SH3D21: variants seen among roughly 807,000 people sequenced by gnomAD.
The protein encoded by SH3D21 is SH3 domain-containing protein 21.
A neutral mutation model predicts 82.1 loss-of-function variants in SH3D21; 83 were observed. That is an observed-to-expected ratio of 1.01 (90% CI 0.85 to 1.21). The LOEUF is 1.21. SH3D21 is among the 50% of genes most tolerant of loss of function. The pLI is 0.00. For missense variants in SH3D21, 980 were observed against 962.1 expected, an observed-to-expected ratio of 1.02 and a Z score of -0.25; for synonymous variants, 383 against 387.8, an observed-to-expected ratio of 0.99 and a Z score of 0.15.
chr1:36,321,485 C>A, downstream of SH3D21: 1 of 902,446 alleles, frequency 1.1e-6, no homozygotes, highest in Non-Finnish European at 1.4e-6. The surrounding 1 kb of genome is among the most constrained non-coding windows in gnomAD (Gnocchi z 6.1). Flanking sequence ...GACGCCCGGC[C>A]TAGATTCCGG....
In SH3D21 at chr1:36,320,958, G is replaced by A; in HGVS notation, c.2179G>A (p.Glu727Lys). 1 of 1,571,052 alleles carries A rather than the reference G, an allele frequency of 6.4e-7. No homozygotes were observed. The highest frequency in any genetic ancestry group is 8.6e-7 in the Non-Finnish European group (1 of 1,158,114). Residue 727 changes from glutamate to lysine, a missense_variant, in exon 15 of 16, where the codon GAG becomes AAG. Transcript: ENST00000453908. ...DIWEELKSEKEQRRRLEVQVM... is the reference protein window; with the variant it reads ...DIWEELKSEKKQRRRLEVQVM... ...CTGGGAGGAGCTGAAGAGCGAGAAGGAGCAGCGCCGGCGGCTGGAGGTGAG... is the reference window on the plus strand; with the variant it reads ...CTGGGAGGAGCTGAAGAGCGAGAAGAAGCAGCGCCGGCGGCTGGAGGTGAG...
downstream of SH3D21, chr1:36,328,653 T>C (rs1369759418): frequency 6.0e-6 from 1 of 166,196 alleles, no homozygotes; most frequent in Non-Finnish European, 1.3e-5. Flanking sequence ...ACACCTATAG[T>C]TCCTGCTACT....
At chr1:36,327,474 A>G (rs1646556603), downstream of SH3D21, among the ~76,000 whole-genome samples, 1 of 152,158 alleles carries the variant, frequency 6.6e-6, no homozygotes, top group African/African-American at 2.4e-5. Context: ...GTGCTCCTCT[A>G]TGTGCAGTCT....
At chr1:36,313,353 A>ATAAATAAATAAATAAG (rs1646277655) in intron 10 of SH3D21, among the ~76,000 whole-genome samples, 1 of 151,604 alleles carries the variant, frequency 6.6e-6, no homozygotes, top group Non-Finnish European at 1.5e-5. Flanking sequence ...AAATAAATAA[A>ATAAATAAATAAATAAG]TAAGATGGGA....
downstream of SH3D21, chr1:36,323,217 G>A: frequency 1.5e-6 from 1 of 678,326 alleles, no homozygotes; most frequent in Non-Finnish European, 2.3e-6. Flanking sequence ...GGCCCTGTCG[G>A]GGGGAACCCC....
rs370592126 is a variant in SH3D21 at position 36,319,928 on chromosome 1, C to T, written c.1265C>T (p.Pro422Leu). The T allele has an allele frequency of 1.9e-5, 31 of 1,613,922 alleles. No homozygotes were observed. The East Asian group carries it at 2.0e-4, about 10-fold the overall frequency. ...CCCACCCCAGAGAAGATGGTGACTC[C>T]GGAGGACAAGGCTTCTATCCCAGAG... ...KVPTPEKMVT[P>L]EDKASIPENS... The change falls in exon 14 of 16, where the codon CCG (proline) becomes CTG (leucine). Residue 422 changes from proline to leucine, a missense_variant. Physicochemically the swap from Pro to Leu is moderately conservative, Grantham distance 98. Transcript: ENST00000453908.
intron 10 of SH3D21, among the ~76,000 whole-genome samples, chr1:36,311,992 G>A (rs1193735392): frequency 1.3e-5 from 2 of 151,888 alleles, no homozygotes; most frequent in African/African-American, 2.4e-5. Flanking sequence ...ACGGTGCCTG[G>A]CTTAGTTTTA....
chr1:36,326,477 C>T (rs4652906), downstream of SH3D21, among the ~76,000 whole-genome samples: 121,829 of 152,068 alleles, frequency 0.8, 50,320 homozygotes, highest in East Asian at 0.94. Flanking sequence ...GTGATCTGCC[C>T]ACCTTGGCCT....
At chr1:36,325,968 G>C (rs1421684661), downstream of SH3D21, among the ~76,000 whole-genome samples, 41 of 152,198 alleles carry the variant, frequency 2.7e-4, no homozygotes. Context: ...AAGTGCTGGG[G>C]GGCATGACAG....
downstream of SH3D21, chr1:36,321,416 C>G: frequency 7.8e-7 from 1 of 1,280,530 alleles, no homozygotes; most frequent in Non-Finnish European, 1.0e-6. This position sits in a 1 kb window ranked among gnomAD's most constrained non-coding sequence, Gnocchi z 6.1. Context: ...CTCCTTCGGA[C>G]TCCAGCCGCG....
rs1482404578 is a variant in SH3D21, at chr1:36,307,982, G to C, written c.538+19G>C. 9 of 1,551,458 alleles carry C rather than the reference G, an allele frequency of 5.8e-6. No individual in the cohort carries two copies. Among genetic ancestry groups the C allele is most frequent in the Admixed American group, 2.0e-5 (1 of 50,962 alleles). ...CAGACAGGTGAGCACCCATCCAAAG[G>C]GTCCCCCACTCCCTCAGCCACTCCC... On this transcript the variant is annotated intron_variant, in intron 7 of 15. Coordinates refer to ENST00000453908, the MANE Select transcript of SH3D21 (RefSeq NM_001162530.2). The surrounding 1 kb of genome is among the most constrained non-coding windows in gnomAD (Gnocchi z 5.4).
chr1:36,328,324 C>G (rs929113045), downstream of SH3D21: 1 of 369,006 alleles, frequency 2.7e-6, no homozygotes, highest in Admixed American at 3.3e-5. Flanking sequence ...GCTATTCTGC[C>G]GTTGACATGG....
Position 36,320,626 on chromosome 1 carries a change from C to A in SH3D21, c.1963C>A (p.Gln655Lys), listed in dbSNP as rs76280545. The change falls in exon 14 of 16, where the codon CAA (glutamine) becomes AAA (lysine). Residue 655 changes from glutamine to lysine, a missense_variant. Coordinates refer to ENST00000453908, the MANE Select transcript of SH3D21 (RefSeq NM_001162530.2). ...EVPPIERAFA[Q>K]KTRPIKPPPD... ...GCCCCCCATAGAAAGAGCCTTTGCC[C>A]AAAAAACACGTCCTATCAAGCCGCC... is the stretch of plus-strand genomic sequence containing the variant. 12 of 1,614,098 alleles carry A rather than the reference C, an allele frequency of 7.4e-6. No homozygotes were observed. The highest frequency in any genetic ancestry group is 9.3e-6 in the Non-Finnish European group (11 of 1,180,048).
Position 36,320,245 on chromosome 1 carries a change from G to A in SH3D21, c.1582G>A (p.Glu528Lys), listed in dbSNP as rs141986481. The A allele has an allele frequency of 6.8e-6, 11 of 1,612,990 alleles. No individual in the cohort carries two copies. Among genetic ancestry groups the A allele is most frequent in the Non-Finnish European group, 9.3e-6 (11 of 1,180,006 alleles). The change falls in exon 14 of 16, where the codon GAG (glutamate) becomes AAG (lysine). Residue 528 changes from glutamate to lysine, a missense_variant. Physicochemically the swap from Glu to Lys is moderately conservative, Grantham distance 56. Transcript: ENST00000453908. ...FVAKEDPSSQ[E>K]EAHTPEAPPP... is the part of the protein sequence containing the mutation. ...AGCCAAAGAGGATCCATCATCCCAG[G>A]AGGAGGCCCACACGCCAGAGGCACC... is the stretch of plus-strand genomic sequence containing the variant.
Position 36,318,898 on chromosome 1 carries a change from AAATAATAATAATAAT to A in SH3D21, c.770-144_770-130del, listed in dbSNP as rs58567392. ...GGCGACAGAAGCAAGACTCCATCTC[AAATAATAATAATAAT>A]AATAATAATAATAATAATAATAATA... On this transcript the variant is annotated intron_variant, in intron 10 of 15. Coordinates refer to ENST00000453908, the MANE Select transcript of SH3D21 (RefSeq NM_001162530.2). 5.3e-3 allele frequency among the ~76,000 whole-genome samples: 751 copies of A among 140,402 alleles called. 8 individuals carry two copies. Among genetic ancestry groups the A allele is most frequent in the Admixed American group, 0.015 (210 of 13,836 alleles). 92.1% of individuals were successfully genotyped at this position (140,402 alleles called of 152,430 possible). A position where few individuals can be genotyped will look rare whatever the true frequency, so the allele number is the denominator to read the frequency against.
At chr1:36,322,218 T>G (rs1646475033), downstream of SH3D21, 1 of 1,405,344 alleles carries the variant, frequency 7.1e-7, no homozygotes, top group East Asian at 2.7e-5. Flanking sequence ...GCCGAGGCAG[T>G]CCGAAGGTGT....
In SH3D21 at chr1:36,307,023, C is replaced by T. The variant is rs1266631822; in HGVS notation, c.226+118C>T. On this transcript the variant is annotated intron_variant, in intron 3 of 15. Coordinates refer to ENST00000453908, the MANE Select transcript of SH3D21 (RefSeq NM_001162530.2). This position sits in a 1 kb window ranked among gnomAD's most constrained non-coding sequence, Gnocchi z 5.4. The stretch of plus-strand genomic sequence containing the variant: ...TGGGCGGGACCTCGGGGCCGCCCTG[C>T]GGTCTGTGATTGGTTCTCGAGTGCA... 3 of 1,431,410 alleles carry T rather than the reference C, an allele frequency of 2.1e-6. No homozygotes were observed. Among genetic ancestry groups the T allele is most frequent in the Admixed American group, 2.8e-5 (1 of 35,266 alleles). The allele number at this position is 1,431,410 out of a possible 1,614,324, so 88.7% of individuals were successfully genotyped here.
downstream of SH3D21, chr1:36,322,553 CTCGTCG>C (rs766781878): frequency 1.3e-3 from 2,083 of 1,596,366 alleles, 4 homozygotes; most frequent in Non-Finnish European, 1.7e-3. Context: ...CCTCCTCGTC[CTCGTCG>C]TCGTCCTCGG....
chr1:36,325,724 T>G (rs1646535951), downstream of SH3D21, among the ~76,000 whole-genome samples: 1 of 152,170 alleles, frequency 6.6e-6, no homozygotes, highest in South Asian at 2.1e-4. Context: ...TTTTGTATTT[T>G]TAGTAGAGAC....
Sources: allele counts gnomAD v4.1 joint callset (sites outside exome capture counted in the v4.1 genomes callset), GRCh38; gene constraint gnomAD v4.1.1; non-coding constraint Gnocchi (gnomAD v3.1); transcripts MANE v1.5; gene names NCBI Gene and HGNC (gene_info 2026-07-23, HGNC 2026-07-21).